The following ADGRB3 variants were observed in gnomAD, a reference collection of about 807,000 sequenced individuals.
ADGRB3 encodes brain-specific angiogenesis inhibitor 3.
Under a neutral mutation model 193.4 loss-of-function variants are expected in ADGRB3, and 37 were observed. The ratio of observed to expected loss-of-function variants is 0.19; its 90% CI spans 0.15 to 0.25. The LOEUF (loss-of-function observed/expected upper bound fraction) is 0.25. Among genes scored for constraint, ADGRB3 ranks in the 10% least tolerant of loss-of-function variants. The pLI, the probability that ADGRB3 is intolerant of heterozygous loss-of-function variation, is 1.00. For synonymous variants in ADGRB3, 690 were observed against 644.2 expected (o/e 1.07, Z -1.08); for missense variants, 1,637 against 1,852.9 (o/e 0.88, Z 2.14).
At chr6:68,671,448 A>G (rs1768957235) in intron 3 of ADGRB3, among the ~76,000 whole-genome samples, 1 of 151,928 alleles carries the variant, frequency 6.6e-6, no homozygotes, top group South Asian at 2.1e-4. Flanking sequence ...AAGTTTTCTG[A>G]GGGTTTTTAT....
At chr6:68,814,240 A>G (rs992235026) in intron 3 of ADGRB3, among the ~76,000 whole-genome samples, 21 of 152,100 alleles carry the variant, frequency 1.4e-4, no homozygotes, top group Non-Finnish European at 2.4e-4. Context: ...CTTTTTAATG[A>G]TTGCCATTCT....
At chr6:68,943,358 A>G (rs531646346) in intron 5 of ADGRB3, among the ~76,000 whole-genome samples, 2 of 152,148 alleles carry the variant, frequency 1.3e-5, no homozygotes, top group Non-Finnish European at 2.9e-5. Context: ...CAGATTTTTT[A>G]AAATTTTCTA....
chr6:69,173,441 A>T (rs1272689397), intron 17 of ADGRB3, among the ~76,000 whole-genome samples: 1 of 152,168 alleles, frequency 6.6e-6, no homozygotes. Flanking sequence ...ATTCATTTTT[A>T]TTTACTTCTG....
intron 17 of ADGRB3, among the ~76,000 whole-genome samples, chr6:69,082,734 G>T (rs1437727072): frequency 6.6e-6 from 1 of 151,992 alleles, no homozygotes; most frequent in Non-Finnish European, 1.5e-5. Flanking sequence ...TGGCTGACAT[G>T]TCTTATATTT....
intron 3 of ADGRB3, among the ~76,000 whole-genome samples, chr6:68,800,340 C>T (rs533995283): frequency 6.6e-6 from 1 of 152,194 alleles, no homozygotes; most frequent in Admixed American, 6.5e-5. Flanking sequence ...ATATCTTATG[C>T]TTGTGATACA....
intron 20 of ADGRB3, among the ~76,000 whole-genome samples, chr6:69,273,330 TCTC>T (rs1767223354): frequency 6.6e-6 from 1 of 152,112 alleles, no homozygotes; most frequent in African/African-American, 2.4e-5. Context: ...CAAAATCACT[TCTC>T]CTGTCTTAAA....
At chr6:69,030,512 A>G (rs1272151001) in intron 13 of ADGRB3, among the ~76,000 whole-genome samples, 2 of 152,204 alleles carry the variant, frequency 1.3e-5, no homozygotes, top group Admixed American at 6.5e-5. Flanking sequence ...AACTAACACA[A>G]GAACAGAAAA....
chr6:68,913,471 C>A (rs1240787012), intron 3 of ADGRB3, among the ~76,000 whole-genome samples: 1 of 152,208 alleles, frequency 6.6e-6, no homozygotes, highest in African/African-American at 2.4e-5. Context: ...AACAGACCTG[C>A]AGCTGAGGGT....
intron 26 of ADGRB3, among the ~76,000 whole-genome samples, chr6:69,346,274 A>C (rs907376591): frequency 6.6e-6 from 1 of 152,244 alleles, no homozygotes; most frequent in African/African-American, 2.4e-5. Context: ...GAGCCTGTAT[A>C]GCCAAGACAA....
intron 3 of ADGRB3, among the ~76,000 whole-genome samples, chr6:68,906,596 C>A (rs1307772495): frequency 6.6e-6 from 1 of 151,904 alleles, no homozygotes; most frequent in Non-Finnish European, 1.5e-5. Context: ...AATTTAGAAT[C>A]CAATTGCATT....
In ADGRB3 at chr6:68,640,049, G is replaced by T. The variant is rs138766977; in HGVS notation, c.757+617G>T. 3.5e-3 allele frequency among the ~76,000 whole-genome samples: 530 copies of T among 152,266 alleles called. 14 individuals are homozygous for T. The highest frequency in any genetic ancestry group is 0.029 in the Admixed American group (444 of 15,302). ...TTTGAGGTGCTTGCGCAAAAATCTCGCACGCTTGCTCTTTCTTGGGTCAGA... is the reference window on the plus strand; with the variant it reads ...TTTGAGGTGCTTGCGCAAAAATCTCTCACGCTTGCTCTTTCTTGGGTCAGA... On this transcript the variant is annotated intron_variant, in intron 3 of 31. Transcript: ENST00000370598.
intron 13 of ADGRB3, among the ~76,000 whole-genome samples, chr6:69,028,579 A>G (rs1014079140): frequency 1.3e-5 from 2 of 152,296 alleles, no homozygotes; most frequent in African/African-American, 4.8e-5. Flanking sequence ...GCTGTGAAAA[A>G]AAGAGTAATA....
intron 24 of ADGRB3, among the ~76,000 whole-genome samples, chr6:69,335,328 A>G (rs554082946): frequency 7.9e-5 from 12 of 152,250 alleles, no homozygotes; most frequent in African/African-American, 2.6e-4. Context: ...CAAATAAGTT[A>G]TTCTAAACAT....
chr6:69,133,893 A>G (rs1202693539), intron 17 of ADGRB3, among the ~76,000 whole-genome samples: 8 of 151,928 alleles, frequency 5.3e-5, no homozygotes, highest in African/African-American at 1.7e-4. Context: ...ATGCCTTTAC[A>G]TCTTCATAGT....
chr6:68,979,966 C>A (rs1411039654), intron 10 of ADGRB3, among the ~76,000 whole-genome samples: 2 of 151,336 alleles, frequency 1.3e-5, no homozygotes, highest in Non-Finnish European at 1.5e-5. Flanking sequence ...GTAGACAAAT[C>A]TAAAGCAAAG....
chr6:69,065,290 C>T (rs556134841), intron 16 of ADGRB3, among the ~76,000 whole-genome samples: 4 of 152,150 alleles, frequency 2.6e-5, no homozygotes, highest in South Asian at 2.1e-4. Flanking sequence ...AGTCTCTAGG[C>T]GCTCTTGTTT....
At chr6:69,365,498 T>C (rs954866025) in intron 29 of ADGRB3, among the ~76,000 whole-genome samples, 1 of 152,080 alleles carries the variant, frequency 6.6e-6, no homozygotes, top group African/African-American at 2.4e-5. Flanking sequence ...ATCATTTGAA[T>C]TTTTGTGGAC....
intron 11 of ADGRB3, among the ~76,000 whole-genome samples, chr6:69,010,552 C>T (rs1769901171): frequency 6.6e-6 from 1 of 151,940 alleles, no homozygotes; most frequent in African/African-American, 2.4e-5. Context: ...GAATTAACTC[C>T]AAGCTTCACG....
At chr6:68,894,001 A>C (rs1169451374) in intron 3 of ADGRB3, among the ~76,000 whole-genome samples, 1 of 151,974 alleles carries the variant, frequency 6.6e-6, no homozygotes, top group Non-Finnish European at 1.5e-5. Flanking sequence ...TTATTTTTAG[A>C]TGATATATTT....
Sources: gnomAD v4.1 joint callset for allele counts (sites outside exome capture counted in the v4.1 genomes callset) on GRCh38, gnomAD v4.1.1 for gene constraint, MANE v1.5 for transcripts, NCBI Gene and HGNC (gene_info 2026-07-23, HGNC 2026-07-21) for gene names.